PTPRR: variants seen among roughly 807,000 people sequenced by gnomAD.
PTPRR encodes protein tyrosine phosphatase receptor type R, also known as receptor-type tyrosine-protein phosphatase R.
A neutral mutation model predicts 77.2 loss-of-function variants in PTPRR; 38 were observed. The observed-to-expected ratio is 0.49, with a 90% confidence interval of 0.38 to 0.65. The LOEUF (loss-of-function observed/expected upper bound fraction) is 0.65. PTPRR is among the 30% of genes least tolerant of loss of function. PTPRR has a pLI of 0.00. For synonymous variants in PTPRR, 299 were observed against 283.1 expected (o/e 1.06, Z -0.57); for missense variants, 744 against 799.2 (o/e 0.93, Z 0.83).
At position 70,890,928 on chromosome 12, in the gene PTPRR, A is replaced by T. The variant is rs138176471; in HGVS notation, c.357+1751T>A. ...GCATCACCCCTTTGCTTTTTGAGGA[A>T]GCTAAACATTATTGATTTATTTAAA... On this transcript the variant is annotated intron_variant, in intron 2 of 13. Coordinates refer to ENST00000283228, the MANE Select transcript of PTPRR (RefSeq NM_002849.4). Among the ~76,000 whole-genome samples, 244 of 152,188 alleles carry T rather than the reference A, an allele frequency of 1.6e-3. 2 individuals are homozygous for T. The highest frequency in any genetic ancestry group is 5.7e-3 in the African/African-American group (236 of 41,532).
intron 2 of PTPRR, among the ~76,000 whole-genome samples, chr12:70,780,471 A>G (rs1038128531): frequency 6.6e-6 from 1 of 152,170 alleles, no homozygotes; most frequent in Non-Finnish European, 1.5e-5. Flanking sequence ...TGATTAGAAA[A>G]AAGAAATAAG....
intron 2 of PTPRR, among the ~76,000 whole-genome samples, chr12:70,792,767 A>G (rs1891444093): frequency 6.6e-6 from 1 of 152,104 alleles, no homozygotes. Flanking sequence ...TTTTTTTTGC[A>G]CAAAGTAAAC....
chr12:70,794,124 C>G (rs1300816226), intron 2 of PTPRR, among the ~76,000 whole-genome samples: 1 of 152,064 alleles, frequency 6.6e-6, no homozygotes, highest in Admixed American at 6.6e-5. Flanking sequence ...TCTAGAATCC[C>G]CCCCATAGAC....
intron 7 of PTPRR, among the ~76,000 whole-genome samples, chr12:70,700,396 TG>T (rs1193305032): frequency 1.3e-5 from 2 of 152,222 alleles, no homozygotes; most frequent in African/African-American, 4.8e-5. Flanking sequence ...CTAGCAACAC[TG>T]GTATGTCTAA....
intron 10 of PTPRR, among the ~76,000 whole-genome samples, chr12:70,679,904 G>C (rs1887592736): frequency 6.6e-6 from 1 of 151,776 alleles, no homozygotes; most frequent in African/African-American, 2.4e-5. Flanking sequence ...GATTATTACT[G>C]ACAGGTAAGA....
At chr12:70,820,023 A>G (rs1891976155) in intron 2 of PTPRR, among the ~76,000 whole-genome samples, 1 of 152,222 alleles carries the variant, frequency 6.6e-6, no homozygotes, top group African/African-American at 2.4e-5. Flanking sequence ...TATATTTGGG[A>G]TAAAGAATAT....
intron 2 of PTPRR, among the ~76,000 whole-genome samples, chr12:70,888,373 C>T (rs1893278009): frequency 6.6e-6 from 1 of 152,104 alleles, no homozygotes; most frequent in Non-Finnish European, 1.5e-5. Context: ...GTGATGCCTC[C>T]CTTATCATTC....
intron 4 of PTPRR, among the ~76,000 whole-genome samples, chr12:70,756,836 G>A (rs561807701): frequency 1.6e-4 from 24 of 152,212 alleles, no homozygotes; most frequent in African/African-American, 5.8e-4. Context: ...CCAAATGCTA[G>A]GAGAGACGAT....
At chr12:70,699,265 CTACT>C (rs1888337937) in intron 7 of PTPRR, among the ~76,000 whole-genome samples, 1 of 152,090 alleles carries the variant, frequency 6.6e-6, no homozygotes, top group Non-Finnish European at 1.5e-5. Context: ...GATATTTTTA[CTACT>C]TAAACTTTCT....
intron 2 of PTPRR, among the ~76,000 whole-genome samples, chr12:70,771,036 G>T (rs1188426170): frequency 6.6e-6 from 1 of 151,246 alleles, no homozygotes; most frequent in Non-Finnish European, 1.5e-5. Context: ...TATAGTTTTA[G>T]GAGATATACC....
intron 2 of PTPRR, among the ~76,000 whole-genome samples, chr12:70,872,349 T>C (rs1892972818): frequency 6.6e-6 from 1 of 152,010 alleles, no homozygotes; most frequent in Non-Finnish European, 1.5e-5. Context: ...TTGCCCATAT[T>C]AAATGTTTTT....
At chr12:70,648,906 A>G (rs1322319661) in intron 13 of PTPRR, among the ~76,000 whole-genome samples, 1 of 152,212 alleles carries the variant, frequency 6.6e-6, no homozygotes, top group African/African-American at 2.4e-5. Flanking sequence ...TTTTAGTTCA[A>G]AATATGCTCA....
chr12:70,656,861 C>A (rs1886602681), intron 12 of PTPRR, 44 bp from the exon 13 acceptor site: 1 of 1,309,666 alleles, frequency 7.6e-7, no homozygotes, highest in Admixed American at 1.7e-5. Context: ...GGGAAAATGA[C>A]AAAGATAAGA....
intron 2 of PTPRR, among the ~76,000 whole-genome samples, chr12:70,842,712 A>G (rs1892417037): frequency 6.6e-6 from 1 of 152,198 alleles, no homozygotes; most frequent in Non-Finnish European, 1.5e-5. Context: ...AGAGCTTTCC[A>G]GGATTGCTCA....
intron 2 of PTPRR, among the ~76,000 whole-genome samples, chr12:70,768,615 T>C (rs1303805845): frequency 1.3e-5 from 2 of 152,188 alleles, no homozygotes; most frequent in East Asian, 1.9e-4. Context: ...TCTGAAACTA[T>C]TCCAATCAAT....
At chr12:70,773,537 A>C (rs374315893) in intron 2 of PTPRR, among the ~76,000 whole-genome samples, 1 of 152,128 alleles carries the variant, frequency 6.6e-6, no homozygotes, top group Non-Finnish European at 1.5e-5. Flanking sequence ...TAGAAGCATA[A>C]TTCTATTCCA....
intron 2 of PTPRR, among the ~76,000 whole-genome samples, chr12:70,781,431 G>A (rs1471781371): frequency 1.3e-5 from 2 of 152,172 alleles, no homozygotes; most frequent in Non-Finnish European, 2.9e-5. Flanking sequence ...GTGTTAATGA[G>A]TAGATAATTG....
chr12:70,724,633 A>G (rs949685933), intron 6 of PTPRR, among the ~76,000 whole-genome samples: 2 of 152,064 alleles, frequency 1.3e-5, no homozygotes, highest in African/African-American at 4.8e-5. Context: ...ATATATTCTC[A>G]GGTTGTTGCT....
intron 2 of PTPRR, among the ~76,000 whole-genome samples, chr12:70,841,424 C>T (rs928485950): frequency 5.9e-5 from 9 of 151,998 alleles, no homozygotes; most frequent in Admixed American, 2.0e-4. Flanking sequence ...CTGCACTTCT[C>T]AGCTTGTTCT....
Sources: allele counts gnomAD v4.1 joint callset (sites outside exome capture counted in the v4.1 genomes callset), GRCh38; gene constraint gnomAD v4.1.1; transcripts MANE v1.5; gene names NCBI Gene and HGNC (gene_info 2026-07-23, HGNC 2026-07-21).